Variants in DPP10 observed in about 807,000 individuals in gnomAD.
DPP10 encodes inactive dipeptidyl peptidase 10.
A neutral mutation model predicts 120.9 loss-of-function variants in DPP10; 33 were observed. That is an observed-to-expected ratio of 0.27 (90% CI 0.21 to 0.37). The LOEUF is 0.37. Ranked by LOEUF, DPP10 falls within the 10% of genes least tolerant of loss-of-function variation. The pLI is 1.00. For missense variants in DPP10, 816 were observed against 942.8 expected (o/e 0.87, Z 1.76); for synonymous variants, 337 against 326.1 (o/e 1.03, Z -0.36).
At chr2:115,230,813 T>C (rs1013863066) in intron 1 of DPP10, among the ~76,000 whole-genome samples, 4 of 152,088 alleles carry the variant, frequency 2.6e-5, no homozygotes, top group African/African-American at 9.6e-5. Flanking sequence ...TATTCTAACA[T>C]GGCTCATAGT....
intron 1 of DPP10, among the ~76,000 whole-genome samples, chr2:114,844,711 T>C (rs1415944491): frequency 1.3e-5 from 2 of 151,924 alleles, no homozygotes; most frequent in African/African-American, 4.8e-5. Context: ...CAATATTCCT[T>C]TTTTTTCTCC....
intron 1 of DPP10, among the ~76,000 whole-genome samples, chr2:114,680,134 G>A (rs148860047): frequency 2.0e-5 from 3 of 152,030 alleles, no homozygotes; most frequent in South Asian, 2.1e-4. Flanking sequence ...ATACTGTAAC[G>A]TCAGTGTCTA....
At chr2:115,286,499 TATATTACATATATAATATATATATATA>T in intron 1 of DPP10, among the ~76,000 whole-genome samples, 1 of 54,222 alleles carries the variant, frequency 1.8e-5, no homozygotes, top group East Asian at 7.6e-4. Flanking sequence ...ATAATATATA[TATATTACATATATAATATATATATATA>T]ATATATATAT....
intron 1 of DPP10, among the ~76,000 whole-genome samples, chr2:114,887,671 A>G (rs975795025): frequency 6.6e-6 from 1 of 152,230 alleles, no homozygotes; most frequent in Non-Finnish European, 1.5e-5. Flanking sequence ...CAGCAAAATC[A>G]GGAACTACCA....
Position 115,548,211 on chromosome 2 carries a change from A to T in DPP10, c.441+22239A>T, listed in dbSNP as rs193208068. ...TTATGGTTACATAATCACTGTTTAG[A>T]TATTTAAATCTTCTGGGATCATTTA... On this transcript the variant is annotated intron_variant, in intron 5 of 25. Transcript: ENST00000410059. 1.5e-4 allele frequency among the ~76,000 whole-genome samples: 23 copies of T among 152,292 alleles called. No homozygotes were observed. The East Asian group carries it at 4.0e-3, about 27-fold the overall frequency.
intron 1 of DPP10, among the ~76,000 whole-genome samples, chr2:114,668,255 T>C (rs536869235): frequency 9.1e-4 from 138 of 152,260 alleles, no homozygotes; most frequent in African/African-American, 3.2e-3. Flanking sequence ...CTGGGGAGGC[T>C]GGCAGTGGAG....
At chr2:114,889,996 G>C (rs980820499) in intron 1 of DPP10, among the ~76,000 whole-genome samples, 1 of 152,198 alleles carries the variant, frequency 6.6e-6, no homozygotes, top group Non-Finnish European at 1.5e-5. Context: ...GCTTACTACT[G>C]TGTCGAAATT....
intron 24 of DPP10, among the ~76,000 whole-genome samples, chr2:115,837,144 C>A (rs2150123786): frequency 6.6e-6 from 1 of 152,224 alleles, no homozygotes; most frequent in South Asian, 2.1e-4. Flanking sequence ...AAAATGGAAA[C>A]CAACCTGGAA....
intron 5 of DPP10, among the ~76,000 whole-genome samples, chr2:115,684,588 C>A (rs2090869073): frequency 6.6e-6 from 1 of 151,718 alleles, no homozygotes; most frequent in Admixed American, 6.6e-5. Context: ...TTCTCCAGGC[C>A]ATGAAAATGA....
intron 1 of DPP10, among the ~76,000 whole-genome samples, chr2:114,516,709 C>T (rs1199842355): frequency 6.6e-6 from 1 of 152,182 alleles, no homozygotes; most frequent in African/African-American, 2.4e-5. Flanking sequence ...ATGCAGGCTT[C>T]TAAATAGTTT....
At chr2:115,776,862 GTTTT>G (rs5833636) in intron 13 of DPP10, among the ~76,000 whole-genome samples, 1 of 149,486 alleles carries the variant, frequency 6.7e-6, no homozygotes, top group Admixed American at 6.7e-5. Context: ...GTTCTAAAAT[GTTTT>G]TTTTTTTTAA....
chr2:115,227,014 G>A (rs1366246680), intron 1 of DPP10, among the ~76,000 whole-genome samples: 2 of 152,106 alleles, frequency 1.3e-5, no homozygotes, highest in African/African-American at 4.8e-5. Flanking sequence ...TCTCATTTTT[G>A]TATTAAAATC....
At chr2:114,721,622 G>A (rs1701710776) in intron 1 of DPP10, among the ~76,000 whole-genome samples, 1 of 152,154 alleles carries the variant, frequency 6.6e-6, no homozygotes, top group South Asian at 2.1e-4. Flanking sequence ...TGATTCTACA[G>A]ATCAGCCCTG....
At chr2:114,622,469 C>G (rs1371636012) in intron 1 of DPP10, among the ~76,000 whole-genome samples, 1 of 151,132 alleles carries the variant, frequency 6.6e-6, no homozygotes, top group Non-Finnish European at 1.5e-5. Context: ...ATATCTTGTG[C>G]AGTAATATTT....
chr2:114,610,254 T>C (rs1384323700), intron 1 of DPP10, among the ~76,000 whole-genome samples: 1 of 152,168 alleles, frequency 6.6e-6, no homozygotes, highest in Non-Finnish European at 1.5e-5. Flanking sequence ...GAGGTGGGGT[T>C]ATAAACCCTG....
chr2:115,573,371 C>T lies in DPP10; in HGVS notation c.441+47399C>T, dbSNP rs555815535. Among the ~76,000 whole-genome samples, 3 of 149,286 alleles carry T rather than the reference C, an allele frequency of 2.0e-5. No individual in the cohort carries two copies. In the South Asian group the frequency reaches 6.4e-4, roughly 32 times the overall value. ...GATCTTGGCTCACTGCAAGTTCCGCCTCCCGGGTTCACGCCATTCTCCTGC... is the reference window on the plus strand; with the variant it reads ...GATCTTGGCTCACTGCAAGTTCCGCTTCCCGGGTTCACGCCATTCTCCTGC... On this transcript the variant is annotated intron_variant, in intron 5 of 25. Transcript: ENST00000410059.
intron 5 of DPP10, among the ~76,000 whole-genome samples, chr2:115,655,214 T>G (rs541544927): frequency 6.6e-6 from 1 of 151,794 alleles, no homozygotes; most frequent in African/African-American, 2.4e-5. Flanking sequence ...ACGTAACTTT[T>G]TAGGCTTTAT....
intron 1 of DPP10, among the ~76,000 whole-genome samples, chr2:115,204,215 G>A (rs919810752): frequency 1.9e-4 from 29 of 152,190 alleles, no homozygotes; most frequent in African/African-American, 6.3e-4. Context: ...CCTCTTAAAA[G>A]GCTAAGTGAC....
chr2:114,668,036 G>C (rs1465633555), intron 1 of DPP10, among the ~76,000 whole-genome samples: 1 of 152,024 alleles, frequency 6.6e-6, no homozygotes, highest in Non-Finnish European at 1.5e-5. Context: ...AGGTGGCCCA[G>C]TGGAAATTTA....
Sources: gnomAD v4.1 joint callset for allele counts (sites outside exome capture counted in the v4.1 genomes callset) on GRCh38, gnomAD v4.1.1 for gene constraint, MANE v1.5 for transcripts, NCBI Gene and HGNC (gene_info 2026-07-23, HGNC 2026-07-21) for gene names.